CLEC16A: variants seen among roughly 807,000 people sequenced by gnomAD.
CLEC16A encodes the protein protein CLEC16A.
A neutral mutation model predicts 109.5 loss-of-function variants in CLEC16A; 51 were observed. The observed-to-expected ratio is 0.47, with a 90% CI of 0.37 to 0.59. The LOEUF (loss-of-function observed/expected upper bound fraction) is 0.59. Among genes scored for constraint, CLEC16A ranks in the 20% least tolerant of loss-of-function variants. The pLI is 0.00. For missense variants in CLEC16A, 1,339 were observed against 1,394.0 expected (o/e 0.96, Z 0.63); for synonymous variants, 673 against 564.2 (o/e 1.19, Z -2.73).
At chr16:10,957,685 A>G (rs1337246434) in intron 1 of CLEC16A, 97 bp from the exon 2 acceptor site, 22 of 1,261,486 alleles carry the variant, frequency 1.7e-5, no homozygotes, top group South Asian at 6.2e-5. Context: ...CTGAAAAAGC[A>G]TTGCTGCATT....
intron 19 of CLEC16A, among the ~76,000 whole-genome samples, chr16:11,092,588 C>A (rs2050376298): frequency 6.6e-6 from 1 of 152,206 alleles, no homozygotes; most frequent in South Asian, 2.1e-4. Flanking sequence ...CCCTGGCTTG[C>A]AGGCATTTCC....
chr16:10,975,683 T>C (rs2042999525), intron 7 of CLEC16A, among the ~76,000 whole-genome samples: 1 of 152,242 alleles, frequency 6.6e-6, no homozygotes, highest in Admixed American at 6.5e-5. Flanking sequence ...AGTCTTGCTC[T>C]GTCACCCAGG....
rs560612890 is a variant in CLEC16A, at chr16:11,074,083, G to C, written c.2116+13061G>C. 9.9e-5 allele frequency among the ~76,000 whole-genome samples: 15 copies of C among 152,272 alleles called. No individual in the cohort carries two copies. The South Asian group carries it at 2.7e-3, about 27-fold the overall frequency. ...ATTTTCTAAAAATGTAGATTGTTTT[G>C]ATTTCAACGTTTGAGCTACCCCAAA... On this transcript the variant is annotated intron_variant, in intron 19 of 23. Coordinates refer to ENST00000409790, the MANE Select transcript of CLEC16A (RefSeq NM_015226.3).
chr16:11,101,429 G>T (rs1012954603), intron 19 of CLEC16A, among the ~76,000 whole-genome samples: 1 of 152,168 alleles, frequency 6.6e-6, no homozygotes, highest in Admixed American at 6.5e-5. Flanking sequence ...CTGGCCCATG[G>T]TACATGCCCC....
intron 4 of CLEC16A, 117 bp from the exon 5 acceptor site, chr16:10,971,008 A>ACT: frequency 3.9e-6 from 2 of 506,588 alleles, no homozygotes; most frequent in Admixed American, 3.7e-5. Context: ...CATTGGCAAC[A>ACT]TTTTTTTTTT....
chr16:11,093,224 C>A (rs1384357141), intron 19 of CLEC16A, among the ~76,000 whole-genome samples: 1 of 152,218 alleles, frequency 6.6e-6, no homozygotes, highest in Non-Finnish European at 1.5e-5. Flanking sequence ...GAGAGAAGGG[C>A]AGTAGGCTTC....
At chr16:11,049,213 G>A (rs1481174662) in intron 17 of CLEC16A, among the ~76,000 whole-genome samples, 2 of 152,010 alleles carry the variant, frequency 1.3e-5, no homozygotes, top group Admixed American at 6.6e-5. Context: ...TCACCATGCT[G>A]GCCAGGCTGG....
intron 7 of CLEC16A, among the ~76,000 whole-genome samples, chr16:10,974,590 C>A (rs904203925): frequency 6.6e-6 from 1 of 152,210 alleles, no homozygotes; most frequent in African/African-American, 2.4e-5. Context: ...CAAATGTCCC[C>A]TTTAAGGCAA....
intron 22 of CLEC16A, among the ~76,000 whole-genome samples, chr16:11,156,922 C>T (rs920520017): frequency 7.7e-6 from 1 of 129,458 alleles, no homozygotes; most frequent in African/African-American, 2.8e-5. Context: ...TGCCCGCCCC[C>T]CCCCCCACCC....
intron 22 of CLEC16A, among the ~76,000 whole-genome samples, chr16:11,160,138 A>G (rs1026184042): frequency 6.6e-6 from 1 of 152,114 alleles, no homozygotes; most frequent in Non-Finnish European, 1.5e-5. Flanking sequence ...AGCCTGAAAT[A>G]GTTGCACTTT....
intron 20 of CLEC16A, among the ~76,000 whole-genome samples, chr16:11,121,826 G>A (rs574522330): frequency 1.3e-3 from 191 of 142,766 alleles, no homozygotes; most frequent in African/African-American, 4.6e-3. Flanking sequence ...GATGCAGTGA[G>A]CTGAGATCGT....
chr16:11,050,391 C>T (rs1388936075), intron 17 of CLEC16A, among the ~76,000 whole-genome samples: 1 of 152,192 alleles, frequency 6.6e-6, no homozygotes, highest in Admixed American at 6.5e-5. Context: ...CATCCCTGCC[C>T]TATGTAGTCA....
chr16:11,160,974 A>G (rs944735153), intron 22 of CLEC16A, among the ~76,000 whole-genome samples: 3 of 152,236 alleles, frequency 2.0e-5, no homozygotes, highest in Non-Finnish European at 4.4e-5. Context: ...CTCACTGGTC[A>G]CAACTTAGTC....
intron 10 of CLEC16A, among the ~76,000 whole-genome samples, chr16:10,999,903 C>T (rs1482276932): frequency 6.6e-6 from 1 of 152,178 alleles, no homozygotes; most frequent in Non-Finnish European, 1.5e-5. Flanking sequence ...GTGGTTTAAT[C>T]TTGGTTTACT....
At position 11,178,695 on chromosome 16, in the gene CLEC16A, G is replaced by C. The variant is rs1368983834; in HGVS notation, c.*5G>C. 6.8e-7 allele frequency: 1 copy of C among 1,469,176 alleles called. No individual in the cohort carries two copies. The highest frequency in any genetic ancestry group is 9.0e-7 in the Non-Finnish European group (1 of 1,111,654). 91.0% of individuals were successfully genotyped at this position (1,469,176 alleles called of 1,614,324 possible). A position where few individuals can be genotyped will look rare whatever the true frequency, so the allele number is the denominator to read the frequency against. ...GTGGGCACCGCTGAGGACTGAGTCAGTGCCGGGGCCTCCCTTTGTGTGTGT... is the reference window on the plus strand; with the variant it reads ...GTGGGCACCGCTGAGGACTGAGTCACTGCCGGGGCCTCCCTTTGTGTGTGT... On this transcript the variant is annotated 3_prime_UTR_variant, in exon 24 of 24. Coordinates refer to ENST00000409790, the MANE Select transcript of CLEC16A (RefSeq NM_015226.3). This position sits in a 1 kb window ranked among gnomAD's most constrained non-coding sequence, Gnocchi z 6.5.
intron 19 of CLEC16A, among the ~76,000 whole-genome samples, chr16:11,105,075 C>T (rs35300161): frequency 0.16 from 24,661 of 152,132 alleles, 2,180 homozygotes; most frequent in South Asian, 0.23. Flanking sequence ...TTGGCTGCCT[C>T]ACAGAGTTAG....
At chr16:11,101,790 T>TTTTTC (rs751458430) in intron 19 of CLEC16A, among the ~76,000 whole-genome samples, 5 of 151,996 alleles carry the variant, frequency 3.3e-5, no homozygotes, top group African/African-American at 1.2e-4. Flanking sequence ...CAAGTTCATT[T>TTTTTC]TTTTCTTTTC....
chr16:11,146,793 G>A (rs534144299), intron 22 of CLEC16A, among the ~76,000 whole-genome samples: 1 of 152,218 alleles, frequency 6.6e-6, no homozygotes, highest in South Asian at 2.1e-4. Context: ...ATGGATGGAT[G>A]GTGGAGCCAA....
rs1349915984 is a variant in CLEC16A at position 11,036,558 on chromosome 16, T to TC, written c.1538-3196_1538-3195insC. ...TTCTAATTTTCCTTTTTTTTTTTTT[T>TC]TTTTTTTTGAGACAAGAGTCTCGCT... On this transcript the variant is annotated intron_variant, in intron 13 of 23. Coordinates refer to ENST00000409790, the MANE Select transcript of CLEC16A (RefSeq NM_015226.3). Among the ~76,000 whole-genome samples the TC allele has an allele frequency of 5.7e-5, 6 of 104,948 alleles. No homozygotes were observed. The South Asian group carries it at 1.7e-3, about 30-fold the overall frequency. The allele number at this position is 104,948 out of a possible 152,430, so 68.8% of individuals were successfully genotyped here.
Sources: gnomAD v4.1 joint callset for allele counts (sites outside exome capture counted in the v4.1 genomes callset) on GRCh38, gnomAD v4.1.1 for gene constraint, Gnocchi (gnomAD v3.1) non-coding constraint, MANE v1.5 for transcripts, NCBI Gene and HGNC (gene_info 2026-07-23, HGNC 2026-07-21) for gene names.